Variants in STAT5B observed in about 807,000 individuals in gnomAD.
STAT5B encodes the protein signal transducer and activator of transcription 5B.
In STAT5B, 21 loss-of-function variants were observed where a neutral mutation model predicts 107.8. The ratio of observed to expected loss-of-function variants is 0.19; its 90% CI spans 0.14 to 0.28. STAT5B has a LOEUF of 0.28. Ranked by LOEUF, STAT5B falls within the 10% of genes least tolerant of loss-of-function variation. The pLI, the probability that STAT5B is intolerant of heterozygous loss-of-function variation, is 1.00. For synonymous variants in STAT5B, 325 were observed against 401.7 expected, an observed-to-expected ratio of 0.81 and a Z score of 2.28; for missense variants, 565 against 1,008.2, an observed-to-expected ratio of 0.56 and a Z score of 5.95.
intron 18 of STAT5B, 117 bp downstream of exon 18, chr17:42,202,223 G>A: frequency 8.1e-7 from 1 of 1,228,608 alleles, no homozygotes; most frequent in African/African-American, 1.5e-5. Context: ...GGCCAGGGCT[G>A]TGTGGTCTCA....
At chr17:42,251,305 G>A (rs1444953768) in intron 1 of STAT5B, among the ~76,000 whole-genome samples, 3 of 152,190 alleles carry the variant, frequency 2.0e-5, no homozygotes, top group Admixed American at 6.5e-5. Flanking sequence ...CCTAGATCCT[G>A]ACCACTTGTG....
Position 42,212,095 on chromosome 17 carries a change from C to T in STAT5B, c.1569G>A (p.Arg523=), listed in dbSNP as rs143172354. Residue 523 remains arginine (R), a synonymous_variant, in exon 13 of 19, where the codon CGG becomes CGA. Coordinates refer to ENST00000293328, the MANE Select transcript of STAT5B (RefSeq NM_012448.4). The part of the protein sequence containing the change: ...MKFKAEVQSN[R]GLTKENLVFL... ...ACACGAGGTTCTCCTTGGTCAGGCC[C>T]CGGTTGCTCTGCACTTCGGCCTTGA... is the stretch of plus-strand genomic sequence containing the variant. 1,197 of 1,614,134 alleles carry T rather than the reference C, an allele frequency of 7.4e-4. 3 individuals carry two copies. Among genetic ancestry groups the T allele is most frequent in the Non-Finnish European group, 9.5e-4 (1,126 of 1,180,012 alleles).
intron 2 of STAT5B, among the ~76,000 whole-genome samples, chr17:42,228,138 G>C (rs1414032310): frequency 6.6e-6 from 1 of 152,158 alleles, no homozygotes; most frequent in Non-Finnish European, 1.5e-5. Flanking sequence ...TGGTATCTGT[G>C]GGTTTCTTAG....
intron 1 of STAT5B, among the ~76,000 whole-genome samples, chr17:42,255,829 G>A (rs569495039): frequency 2.0e-5 from 3 of 152,302 alleles, no homozygotes; most frequent in East Asian, 1.9e-4. Context: ...AGCGGCTCGC[G>A]CCTGTAATCC....
At chr17:42,283,475 A>C in the STAT5B span, among the ~76,000 whole-genome samples, 6,035 of 152,314 alleles carry the variant, frequency 0.04, 170 homozygotes, top group Non-Finnish European at 0.058. Context: ...CAGGGCAGGC[A>C]GGCTGGGCAG....
intron 1 of STAT5B, among the ~76,000 whole-genome samples, chr17:42,242,297 AAG>A (rs1433739542): frequency 1.3e-5 from 2 of 152,226 alleles, no homozygotes; most frequent in South Asian, 2.1e-4. Flanking sequence ...CTCAAAAATA[AAG>A]AGAGTAGACT....
At position 42,201,408 on chromosome 17, in the gene STAT5B, G is replaced by A. The variant is rs998126029; in HGVS notation, c.*330C>T. The A allele has an allele frequency of 4.5e-5, 27 of 594,804 alleles. 1 individual carries two copies. Among genetic ancestry groups the A allele is most frequent in the East Asian group, 8.3e-5 (3 of 36,296 alleles). The allele number at this position is 594,804 out of a possible 1,614,324, so 36.8% of individuals were successfully genotyped here. ...CACATGGCCAACTTCCAGGCTTCAC[G>A]AAACTCACTGCCTTTTTGCACAAAG... On this transcript the variant is annotated 3_prime_UTR_variant, in exon 19 of 19. Transcript: ENST00000293328.
the STAT5B span, among the ~76,000 whole-genome samples, chr17:42,286,493 C>T: frequency 6.6e-5 from 10 of 152,150 alleles, no homozygotes; most frequent in East Asian, 1.9e-4. Context: ...AAGCCAAGCC[C>T]GGCCCAACCA....
chr17:42,200,412 T>C lies in STAT5B; in HGVS notation c.*1326A>G, dbSNP rs996835583. ...CCTGCTGTAGCCCATTCCTTCCTTC[T>C]GGTGTAAAGCTACAGAAGAAGTCGT... On this transcript the variant is annotated 3_prime_UTR_variant, in exon 19 of 19. Coordinates refer to ENST00000293328, the MANE Select transcript of STAT5B (RefSeq NM_012448.4). The C allele has an allele frequency of 6.6e-6, 1 of 152,600 alleles. No individual in the cohort carries two copies. The highest frequency in any genetic ancestry group is 2.4e-5 in the African/African-American group (1 of 41,440). 9.5% of individuals were successfully genotyped at this position (152,600 alleles called of 1,614,324 possible). A position where few individuals can be genotyped will look rare whatever the true frequency, so the allele number is the denominator to read the frequency against.
intron 1 of STAT5B, among the ~76,000 whole-genome samples, chr17:42,233,416 C>A (rs1262194750): frequency 6.6e-6 from 1 of 151,728 alleles, no homozygotes; most frequent in African/African-American, 2.4e-5. Flanking sequence ...ACAAATCTTT[C>A]AGACACAAAA....
the STAT5B span, among the ~76,000 whole-genome samples, chr17:42,285,559 G>A: frequency 6.6e-6 from 1 of 152,196 alleles, no homozygotes; most frequent in African/African-American, 2.4e-5. Context: ...CCATCCCGTG[G>A]CCTCAGTTTT....
chr17:42,217,034 C>T (rs2080177577), intron 11 of STAT5B, 126 bp downstream of exon 11: 14 of 1,503,272 alleles, frequency 9.3e-6, no homozygotes, highest in Non-Finnish European at 1.2e-5. Flanking sequence ...GAGGTCAGTC[C>T]ATTTTCAGTT....
rs777292743 is a variant in STAT5B, at chr17:42,212,110, T to C, written c.1554A>G (p.Glu518=). 3 of 1,614,176 alleles carry C rather than the reference T, an allele frequency of 1.9e-6. No individual in the cohort carries two copies. The highest frequency in any genetic ancestry group is 2.2e-5 in the East Asian group (1 of 44,890). Residue 518 remains glutamate (E), a synonymous_variant, in exon 13 of 19, where the codon GAA becomes GAG. Coordinates refer to ENST00000293328, the MANE Select transcript of STAT5B (RefSeq NM_012448.4). Reference sequence around the variant, plus strand: ...TGGTCAGGCCCCGGTTGCTCTGCACTTCGGCCTTGAATTTCATGTTGAGCG... The same window carrying C: ...TGGTCAGGCCCCGGTTGCTCTGCACCTCGGCCTTGAATTTCATGTTGAGCG... ...CEALNMKFKA[E]VQSNRGLTKE... is the part of the protein sequence containing the mutation.
chr17:42,203,527 G>C (rs1345749148), intron 16 of STAT5B, among the ~76,000 whole-genome samples: 1 of 152,152 alleles, frequency 6.6e-6, no homozygotes, highest in Non-Finnish European at 1.5e-5. Context: ...GGTCATAAGA[G>C]GACAAATGTT....
upstream of STAT5B, among the ~76,000 whole-genome samples, chr17:42,277,850 G>T (rs1567682579): frequency 6.6e-6 from 1 of 151,506 alleles, no homozygotes; most frequent in African/African-American, 2.4e-5. Flanking sequence ...CCACCTCCTG[G>T]GTTCAAGTGA....
intron 1 of STAT5B, among the ~76,000 whole-genome samples, chr17:42,262,799 T>C (rs2080613810): frequency 9.4e-6 from 1 of 105,908 alleles, no homozygotes; most frequent in African/African-American, 4.4e-5. Context: ...CATATATATG[T>C]GTGTATATAT....
chr17:42,211,958 C>A, intron 13 of STAT5B, 26 bp downstream of exon 13: 1 of 1,590,042 alleles, frequency 6.3e-7, no homozygotes, highest in South Asian at 1.1e-5. Context: ...ACTGATCTAA[C>A]AGCGGCTGGC....
chr17:42,201,959 C>G (rs1270020661), intron 18 of STAT5B, 95 bp from the exon 19 acceptor site: 4 of 1,202,202 alleles, frequency 3.3e-6, no homozygotes, highest in Non-Finnish European at 3.6e-6. Flanking sequence ...TCTGAGCCAG[C>G]CTATGCCCTC....
chr17:42,243,927 G>A (rs534669943), intron 1 of STAT5B, among the ~76,000 whole-genome samples: 16 of 95,136 alleles, frequency 1.7e-4, no homozygotes, highest in Admixed American at 1.0e-3. Context: ...ATGGATTTGC[G>A]ATCCCTTTGG....
Sources: gnomAD v4.1 joint callset for allele counts (sites outside exome capture counted in the v4.1 genomes callset) on GRCh38, gnomAD v4.1.1 for gene constraint, MANE v1.5 for transcripts, NCBI Gene and HGNC (gene_info 2026-07-23, HGNC 2026-07-21) for gene names.